Variants in ZNF329 observed in about 807,000 individuals in gnomAD.
ZNF329 encodes zinc finger protein 329.
Under a neutral mutation model 26.6 loss-of-function variants are expected in ZNF329, and 15 were observed. The ratio of observed to expected loss-of-function variants is 0.56; its 90% confidence interval spans 0.38 to 0.87. ZNF329 has a LOEUF of 0.87. ZNF329 is among the 40% of genes least tolerant of loss of function. The pLI is 0.00. For synonymous variants in ZNF329, 239 were observed against 233.5 expected, an observed-to-expected ratio of 1.02 and a Z score of -0.21; for missense variants, 651 against 651.9, an observed-to-expected ratio of 1.00 and a Z score of 0.02.
At chr19:58,131,832 G>A (rs2074951095) in intron 3 of ZNF329, among the ~76,000 whole-genome samples, 2 of 152,052 alleles carry the variant, frequency 1.3e-5, no homozygotes, top group South Asian at 4.2e-4. Flanking sequence ...GACCATCCTG[G>A]CTGACACGGT....
chr19:58,154,589 C>T (rs1270018082), upstream of ZNF329: 2 of 152,492 alleles, frequency 1.3e-5, no homozygotes, highest in Admixed American at 1.3e-4. Context: ...TCACATTCCA[C>T]AACTACTAAA....
Position 58,127,365 on chromosome 19 carries a change from G to C in ZNF329, c.*513C>G, listed in dbSNP as rs1186972989. The stretch of plus-strand genomic sequence containing the variant: ...AAAATAGAAAAAATTAGCCAGGCAT[G>C]GTGGCAGGCACCTGTAATCCTAGCT... On this transcript the variant is annotated 3_prime_UTR_variant, in exon 4 of 4. Transcript: ENST00000598312. The C allele has an allele frequency of 6.6e-6, 1 of 152,372 alleles. No homozygotes were observed. The highest frequency in any genetic ancestry group is 2.4e-5 in the African/African-American group (1 of 41,422). 9.4% of individuals were successfully genotyped at this position (152,372 alleles called of 1,614,324 possible). A position where few individuals can be genotyped will look rare whatever the true frequency, so the allele number is the denominator to read the frequency against.
intron 1 of ZNF329, among the ~76,000 whole-genome samples, chr19:58,150,141 A>C (rs1424129843): frequency 6.6e-6 from 1 of 152,234 alleles, no homozygotes; most frequent in Non-Finnish European, 1.5e-5. Context: ...CACTAAACCA[A>C]GGGAAAAGAC....
In ZNF329 at chr19:58,128,914, A is replaced by C. The variant is rs201669116; in HGVS notation, c.590T>G (p.Leu197Arg). Residue 197 changes from leucine (L) to arginine (R), a missense_variant, in exon 4 of 4, where the codon CTC (leucine) becomes CGC (arginine). Physicochemically the swap from Leu to Arg is moderately radical, Grantham distance 102. Transcript: ENST00000598312. ...ACATCTATATTGTTTCTCTCCAGGGAGATTTCTCTGGTTTTCATTAAGCGA... is the reference window on the plus strand; with the variant it reads ...ACATCTATATTGTTTCTCTCCAGGGCGATTTCTCTGGTTTTCATTAAGCGA... Reference protein sequence around the residue: ...SSSLNENQRNLPGEKQYRCTE... With the variant: ...SSSLNENQRNRPGEKQYRCTE... 1.9e-4 allele frequency: 307 copies of C among 1,613,950 alleles called. 1 individual carries two copies. Among genetic ancestry groups the C allele is most frequent in the Non-Finnish European group, 4.3e-5 (51 of 1,180,022 alleles).
intron 3 of ZNF329, among the ~76,000 whole-genome samples, chr19:58,133,954 G>A (rs184557687): frequency 9.8e-5 from 15 of 152,310 alleles, no homozygotes; most frequent in Admixed American, 7.9e-4. Context: ...AGTGGCCAAT[G>A]AGGTGGGAAT....
At chr19:58,131,848 C>G (rs1415182702) in intron 3 of ZNF329, among the ~76,000 whole-genome samples, 2 of 151,866 alleles carry the variant, frequency 1.3e-5, no homozygotes, top group Non-Finnish European at 2.9e-5. Flanking sequence ...ACGGTGAAAC[C>G]CCGTCTCTAT....
intron 1 of ZNF329, among the ~76,000 whole-genome samples, chr19:58,147,353 G>A (rs1453093639): frequency 2.1e-4 from 31 of 150,646 alleles, no homozygotes; most frequent in Admixed American, 1.6e-3. Flanking sequence ...CCCTCCGCCC[G>A]GCAGCCACCC....
chr19:58,144,693 ATTTTTTTTT>A lies in ZNF329; in HGVS notation c.-207-1504_-207-1496del, dbSNP rs34490866. Among the ~76,000 whole-genome samples the A allele has an allele frequency of 2.4e-5, 3 of 127,656 alleles. No homozygotes were observed. In the East Asian group the frequency reaches 6.8e-4, roughly 29 times the overall value. 83.7% of individuals were successfully genotyped at this position (127,656 alleles called of 152,430 possible). Reference sequence around the variant, plus strand: ...CATGAGCCATGGCGCCCAGCCAAGAATTTTTTTTTTTTTTTTTTTTTTTAAAGAGACAGA... The same window carrying A: ...CATGAGCCATGGCGCCCAGCCAAGAATTTTTTTTTTTTTTAAAGAGACAGA... On this transcript the variant is annotated intron_variant, in intron 1 of 3. Coordinates refer to ENST00000598312, the MANE Select transcript of ZNF329 (RefSeq NM_024620.4).
At chr19:58,135,617 A>G (rs1403597643) in intron 3 of ZNF329, among the ~76,000 whole-genome samples, 1 of 152,186 alleles carries the variant, frequency 6.6e-6, no homozygotes, top group East Asian at 1.9e-4. Context: ...AGAAGAATGG[A>G]AAAGAGTTAT....
At chr19:58,137,058 TA>T (rs11355450) in intron 3 of ZNF329, 28,550 of 123,724 alleles carry the variant, frequency 0.23, 2,883 homozygotes, top group African/African-American at 0.34. Flanking sequence ...TAAGTACAGA[TA>T]AAAAAAAAAA....
chr19:58,142,636 G>T lies in ZNF329; in HGVS notation c.-88C>A, dbSNP rs181012663. Reference sequence around the variant, plus strand: ...TGGTTGCTGGACATTAGCCATTTATGCCCATCCACACGGCTCCAGCCATCT... The same window carrying T: ...TGGTTGCTGGACATTAGCCATTTATTCCCATCCACACGGCTCCAGCCATCT... On this transcript the variant is annotated 5_prime_UTR_variant, in exon 3 of 4. Transcript: ENST00000598312. 1 of 152,628 alleles carries T rather than the reference G, an allele frequency of 6.6e-6. No individual in the cohort carries two copies. The highest frequency in any genetic ancestry group is 2.4e-5 in the African/African-American group (1 of 41,448). 9.5% of individuals were successfully genotyped at this position (152,628 alleles called of 1,614,324 possible). A position where few individuals can be genotyped will look rare whatever the true frequency, so the allele number is the denominator to read the frequency against.
chr19:58,143,685 T>C (rs1434887499), intron 1 of ZNF329, among the ~76,000 whole-genome samples: 2 of 152,142 alleles, frequency 1.3e-5, no homozygotes, highest in African/African-American at 4.8e-5. Context: ...TGCTGTCTTT[T>C]CAGATGGAAA....
intron 1 of ZNF329, 102 bp from the exon 2 acceptor site, chr19:58,143,300 AAG>A (rs10573497): frequency 0.22 from 33,230 of 147,742 alleles, 3,878 homozygotes; most frequent in Non-Finnish European, 0.27. Context: ...GCATTTGAGT[AAG>A]AGAGGAGCTA....
rs748199189 is a variant in ZNF329 at position 58,128,754 on chromosome 19, T to C, written c.750A>G (p.Gln250=). Residue 250 remains glutamine, a synonymous_variant, in exon 4 of 4, where the codon CAA becomes CAG. Transcript: ENST00000598312. ...AGGGCTTCTCTCCTGTGTGGATTCTTTGATGCACAATCAGGTTGTAGTTCT... is the reference window on the plus strand; with the variant it reads ...AGGGCTTCTCTCCTGTGTGGATTCTCTGATGCACAATCAGGTTGTAGTTCT... ...FSKNYNLIVH[Q]RIHTGEKPYE... is the part of the protein sequence containing the mutation. 1.2e-6 allele frequency: 2 copies of C among 1,604,716 alleles called. No homozygotes were observed. Among genetic ancestry groups the C allele is most frequent in the Non-Finnish European group, 1.7e-6 (2 of 1,175,836 alleles).
upstream of ZNF329, among the ~76,000 whole-genome samples, chr19:58,153,681 A>G (rs577831987): frequency 1.3e-5 from 2 of 152,346 alleles, no homozygotes; most frequent in East Asian, 3.9e-4. Context: ...CATCAAGATA[A>G]GCATCCCAGA....
At chr19:58,130,319 T>C (rs159672) in intron 3 of ZNF329, among the ~76,000 whole-genome samples, 23,537 of 151,584 alleles carry the variant, frequency 0.16, 2,312 homozygotes, top group East Asian at 0.3. Flanking sequence ...TGAGACTCCA[T>C]CTCAAAAAAC....
Position 58,129,400 on chromosome 19 carries a change from C to A in ZNF329, c.104G>T (p.Gly35Val). The A allele has an allele frequency of 6.2e-7, 1 of 1,614,180 alleles. No homozygotes were observed. The highest frequency in any genetic ancestry group is 8.5e-7 in the Non-Finnish European group (1 of 1,180,036). Residue 35 changes from glycine (G) to valine (V), a missense_variant, in exon 4 of 4, where the codon GGT becomes GTT. Physicochemically the swap from Gly to Val is moderately radical, Grantham distance 109. Transcript: ENST00000598312. ...TREVPCLSSL[G>V]DGWDCENQEG... ...CTGGTTCTCACAGTCCCAACCATCACCTAAACTGGACAAGCAGGGAACTTC... is the reference window on the plus strand; with the variant it reads ...CTGGTTCTCACAGTCCCAACCATCAACTAAACTGGACAAGCAGGGAACTTC...
rs971914414 is a variant in ZNF329 at position 58,134,971 on chromosome 19, A to C, written c.-8-5460T>G. 2.0e-5 allele frequency among the ~76,000 whole-genome samples: 3 copies of C among 152,202 alleles called. No homozygotes were observed. In the East Asian group the frequency reaches 5.8e-4, roughly 29 times the overall value. On this transcript the variant is annotated intron_variant, in intron 3 of 3. Coordinates refer to ENST00000598312, the MANE Select transcript of ZNF329 (RefSeq NM_024620.4). ...CAAACAAACAATCAACAACAAAAAA[A>C]CACAGAGCAAAGCCAGCTAGGTTTG...
intron 3 of ZNF329, among the ~76,000 whole-genome samples, chr19:58,133,171 A>G (rs908146872): frequency 6.6e-6 from 1 of 152,220 alleles, no homozygotes; most frequent in African/African-American, 2.4e-5. Context: ...GACGAAAATT[A>G]TTACAATAGA....
Sources: allele counts gnomAD v4.1 joint callset (sites outside exome capture counted in the v4.1 genomes callset), GRCh38; gene constraint gnomAD v4.1.1; transcripts MANE v1.5; gene names NCBI Gene and HGNC (gene_info 2026-07-23, HGNC 2026-07-21).